CDIN1: variants seen among roughly 807,000 people sequenced by gnomAD.
CDIN1 encodes the protein CDAN1 interacting nuclease 1.
Under a neutral mutation model 45.3 loss-of-function variants are expected in CDIN1, and 33 were observed. The observed-to-expected ratio is 0.73, with a 90% CI of 0.55 to 0.97. The LOEUF (loss-of-function observed/expected upper bound fraction) is 0.97. Ranked by LOEUF, CDIN1 falls within the 50% of genes least tolerant of loss-of-function variation. The probability of loss-of-function intolerance (pLI) is 0.00; values close to 1 mark genes in which losing one functional copy is unlikely to be tolerated. For missense variants in CDIN1, 303 were observed against 339.4 expected (o/e 0.89, Z 0.84); for synonymous variants, 118 against 124.4 (o/e 0.95, Z 0.34).
At chr15:36,710,061 T>G in intron 10 of CDIN1, 100 bp downstream of exon 10, 2 of 768,968 alleles carry the variant, frequency 2.6e-6, no homozygotes, top group Non-Finnish European at 4.1e-6. Flanking sequence ...TAGTAGCCGT[T>G]GTTTCTAGTA....
chr15:36,620,458 C>G (rs769540691), intron 1 of CDIN1, among the ~76,000 whole-genome samples: 8 of 152,182 alleles, frequency 5.3e-5, no homozygotes, highest in Non-Finnish European at 8.8e-5. Context: ...GTGATTCCCC[C>G]TGCTAAAATG....
At chr15:36,798,224 T>G (rs2054884854) in intron 10 of CDIN1, among the ~76,000 whole-genome samples, 1 of 152,174 alleles carries the variant, frequency 6.6e-6, no homozygotes, top group South Asian at 2.1e-4. Flanking sequence ...GAAGTGTTTG[T>G]TTGATAACTG....
chr15:36,645,468 A>T (rs1255819355), intron 3 of CDIN1, among the ~76,000 whole-genome samples, 181 bp downstream of exon 3: 1 of 151,094 alleles, frequency 6.6e-6, no homozygotes, highest in African/African-American at 2.4e-5. Flanking sequence ...TTGTAGATCT[A>T]AAGAGTATGG....
intron 8 of CDIN1, among the ~76,000 whole-genome samples, chr15:36,702,294 T>G (rs762022600): frequency 6.6e-6 from 1 of 152,180 alleles, no homozygotes; most frequent in Non-Finnish European, 1.5e-5. Context: ...CTGAAGAGAT[T>G]GTCATGGTGA....
intron 1 of CDIN1, among the ~76,000 whole-genome samples, chr15:36,638,530 A>T (rs754759055): frequency 1.3e-5 from 2 of 152,354 alleles, no homozygotes; most frequent in South Asian, 2.1e-4. Context: ...ATGCAATCAG[A>T]TAGAGACACT....
chr15:36,776,985 C>T (rs1179727542), intron 10 of CDIN1, among the ~76,000 whole-genome samples: 1 of 152,126 alleles, frequency 6.6e-6, no homozygotes, highest in Non-Finnish European at 1.5e-5. Flanking sequence ...CTGTTTTCAT[C>T]TTTTTGTCCC....
At chr15:36,686,445 A>G (rs1485552810) in intron 5 of CDIN1, among the ~76,000 whole-genome samples, 1 of 149,670 alleles carries the variant, frequency 6.7e-6, no homozygotes, top group Non-Finnish European at 1.5e-5. Flanking sequence ...TCATTGGGAG[A>G]TATACCTAAT....
intron 10 of CDIN1, among the ~76,000 whole-genome samples, chr15:36,730,996 A>G (rs906431581): frequency 5.3e-5 from 8 of 152,104 alleles, no homozygotes; most frequent in African/African-American, 1.4e-4. Flanking sequence ...AGATTTTTGT[A>G]CTGTAATGTA....
At chr15:36,793,993 T>C (rs140502334) in intron 10 of CDIN1, among the ~76,000 whole-genome samples, 78 of 141,212 alleles carry the variant, frequency 5.5e-4, no homozygotes, top group African/African-American at 1.8e-3. Context: ...CTGTTGTTGC[T>C]TTTTCATTAT....
At chr15:36,793,370 A>G (rs1261849797) in intron 10 of CDIN1, among the ~76,000 whole-genome samples, 1 of 152,080 alleles carries the variant, frequency 6.6e-6, no homozygotes, top group South Asian at 2.1e-4. Context: ...ACAAGCTGAC[A>G]AGAGCACTAT....
intron 7 of CDIN1, chr15:36,696,615 C>T (rs1213360070): frequency 1.3e-5 from 2 of 152,102 alleles, no homozygotes; most frequent in Admixed American, 1.3e-4. Flanking sequence ...GAGCGGGAGC[C>T]TTGCTACCTT....
intron 1 of CDIN1, among the ~76,000 whole-genome samples, chr15:36,592,842 A>G (rs2037645238): frequency 6.6e-6 from 1 of 152,110 alleles, no homozygotes; most frequent in Non-Finnish European, 1.5e-5. Context: ...GTTTAGGGAC[A>G]TTACAGTGAT....
chr15:36,752,168 T>C (rs2053494077), intron 10 of CDIN1, among the ~76,000 whole-genome samples: 1 of 152,200 alleles, frequency 6.6e-6, no homozygotes, highest in Non-Finnish European at 1.5e-5. Context: ...AGTTGATGAA[T>C]AAAAATGATT....
chr15:36,591,868 G>C (rs2037591192), intron 1 of CDIN1: 1 of 152,176 alleles, frequency 6.6e-6, no homozygotes, highest in African/African-American at 2.4e-5. Context: ...TTAAATTAGA[G>C]AACAGACTCC....
chr15:36,601,811 G>A (rs1003019592), intron 1 of CDIN1, among the ~76,000 whole-genome samples: 14 of 152,150 alleles, frequency 9.2e-5, no homozygotes, highest in Admixed American at 2.6e-4. Context: ...CCATTGTACT[G>A]CCTCCAGCAT....
chr15:36,651,652 C>A (rs141228575), intron 3 of CDIN1, among the ~76,000 whole-genome samples: 1 of 152,142 alleles, frequency 6.6e-6, no homozygotes, highest in African/African-American at 2.4e-5. Context: ...ATGTATGTGG[C>A]ACCTCACTAG....
intron 1 of CDIN1, among the ~76,000 whole-genome samples, chr15:36,620,028 C>G (rs2039093895): frequency 1.3e-5 from 2 of 151,906 alleles, no homozygotes; most frequent in Admixed American, 6.6e-5. Context: ...CAGTTTGATA[C>G]TCAAGGAAAG....
At chr15:36,755,134 TA>T (rs936628257) in intron 10 of CDIN1, among the ~76,000 whole-genome samples, 2 of 152,206 alleles carry the variant, frequency 1.3e-5, no homozygotes, top group African/African-American at 4.8e-5. Flanking sequence ...AATGGAGCAG[TA>T]ATTTTTGAAA....
intron 5 of CDIN1, among the ~76,000 whole-genome samples, chr15:36,684,823 G>A (rs1177026267): frequency 6.7e-5 from 10 of 149,068 alleles, no homozygotes; most frequent in Admixed American, 4.0e-4. Context: ...TGTATGTGTC[G>A]AGGAATTTAT....
Sources: allele counts gnomAD v4.1 joint callset (sites outside exome capture counted in the v4.1 genomes callset), GRCh38; gene constraint gnomAD v4.1.1; transcripts MANE v1.5; gene names NCBI Gene and HGNC (gene_info 2026-07-23, HGNC 2026-07-21).